Variants in XRCC4 observed in about 807,000 individuals in gnomAD.
XRCC4 encodes the protein DNA repair protein XRCC4.
XRCC4 carries 28 observed loss-of-function variants against 39.1 expected under a neutral mutation model. That is an observed-to-expected ratio of 0.72 (90% CI 0.53 to 0.98). The LOEUF is 0.98. Among genes scored for constraint, XRCC4 ranks in the 50% least tolerant of loss-of-function variants. The pLI, the probability that XRCC4 is intolerant of heterozygous loss-of-function variation, is 0.00. For synonymous variants in XRCC4, 123 were observed against 126.4 expected (o/e 0.97, Z 0.18); for missense variants, 350 against 376.4 (o/e 0.93, Z 0.58).
intron 7 of XRCC4, among the ~76,000 whole-genome samples, chr5:83,295,275 CTAAG>C (rs1177535108): frequency 6.6e-6 from 1 of 151,292 alleles, no homozygotes; most frequent in Non-Finnish European, 1.5e-5. Flanking sequence ...CACTGTCCTC[CTAAG>C]TGTTTCTAAG....
intron 6 of XRCC4, among the ~76,000 whole-genome samples, chr5:83,205,519 A>C (rs1751387228): frequency 1.3e-5 from 2 of 152,124 alleles, no homozygotes. Flanking sequence ...TAGATTTCCT[A>C]GTGACGGTGG....
At chr5:83,086,463 A>G (rs1475306568) in intron 1 of XRCC4, among the ~76,000 whole-genome samples, 3 of 152,240 alleles carry the variant, frequency 2.0e-5, no homozygotes, top group Non-Finnish European at 2.9e-5. Flanking sequence ...TAAGAAAATC[A>G]TAATGAAAGG....
At chr5:83,307,194 A>C (rs916434512) in intron 7 of XRCC4, among the ~76,000 whole-genome samples, 2 of 152,186 alleles carry the variant, frequency 1.3e-5, no homozygotes, top group Non-Finnish European at 2.9e-5. Context: ...TGGGGTTTTT[A>C]ATTTTATTAA....
At chr5:83,242,417 C>T (rs1752949224) in intron 6 of XRCC4, among the ~76,000 whole-genome samples, 1 of 152,046 alleles carries the variant, frequency 6.6e-6, no homozygotes, top group Admixed American at 6.6e-5. Flanking sequence ...ATATTTATCT[C>T]TTGCTCTACT....
intron 1 of XRCC4, among the ~76,000 whole-genome samples, chr5:83,085,097 A>C (rs1745121447): frequency 2.0e-5 from 3 of 152,212 alleles, no homozygotes; most frequent in Admixed American, 2.0e-4. Flanking sequence ...AAGTAAGCAA[A>C]GAGTTCAATC....
At chr5:83,340,500 T>C (rs2112198459) in intron 7 of XRCC4, among the ~76,000 whole-genome samples, 1 of 152,092 alleles carries the variant, frequency 6.6e-6, no homozygotes, top group South Asian at 2.1e-4. Flanking sequence ...AAGAAGAAAG[T>C]CAGAGGAAGA....
chr5:83,226,415 T>C (rs926561063), intron 6 of XRCC4, among the ~76,000 whole-genome samples: 7 of 152,082 alleles, frequency 4.6e-5, no homozygotes, highest in African/African-American at 2.4e-5. Context: ...AAGTCCTTTT[T>C]CTATACTGGC....
intron 1 of XRCC4, among the ~76,000 whole-genome samples, chr5:83,081,796 TAA>T (rs1288785628): frequency 1.3e-5 from 2 of 152,216 alleles, no homozygotes; most frequent in Admixed American, 1.3e-4. Flanking sequence ...AAAAATCCTC[TAA>T]AGAGTTTTCT....
chr5:83,143,334 AT>A (rs1054647332), intron 3 of XRCC4, among the ~76,000 whole-genome samples: 33 of 152,164 alleles, frequency 2.2e-4, no homozygotes, highest in Non-Finnish European at 2.9e-5. Flanking sequence ...TACCTGACCA[AT>A]TTTAAAGGAA....
Position 83,104,969 on chromosome 5 carries a change from C to T in XRCC4, c.50C>T (p.Thr17Ile). Residue 17 changes from threonine to isoleucine, a missense_variant, in exon 2 of 8, where the codon ACT becomes ATT. By Grantham distance (89) the Thr-to-Ile change is moderately conservative (BLOSUM62 -1). Coordinates refer to ENST00000396027, the MANE Select transcript of XRCC4 (RefSeq NM_003401.5). ...RIHLVSEPSI[T>I]HFLQVSWEKT... ...CACCTTGTTTCTGAACCCAGTATAA[C>T]TCATTTTCTACAAGTATCTTGGGAG... The T allele has an allele frequency of 6.2e-7, 1 of 1,613,508 alleles. No individual in the cohort carries two copies. The highest frequency in any genetic ancestry group is 8.5e-7 in the Non-Finnish European group (1 of 1,179,698).
intron 2 of XRCC4, among the ~76,000 whole-genome samples, chr5:83,109,588 G>A (rs1746351999): frequency 6.6e-6 from 1 of 151,852 alleles, no homozygotes; most frequent in Non-Finnish European, 1.5e-5. Context: ...ATTGAATCTT[G>A]TAATTTTAAA....
At chr5:83,078,298 A>G (rs1476762767) in intron 1 of XRCC4, among the ~76,000 whole-genome samples, 6 of 152,226 alleles carry the variant, frequency 3.9e-5, no homozygotes, top group Non-Finnish European at 8.8e-5. Flanking sequence ...GCGCTTTGAC[A>G]TGTTTGAATT....
chr5:83,211,105 T>C (rs1369330826), intron 6 of XRCC4, among the ~76,000 whole-genome samples: 3 of 152,194 alleles, frequency 2.0e-5, no homozygotes. Context: ...AAATAAGTAC[T>C]TCCAAACATG....
intron 3 of XRCC4, among the ~76,000 whole-genome samples, chr5:83,153,952 A>C (rs1057191822): frequency 3.3e-5 from 5 of 152,182 alleles, no homozygotes; most frequent in Non-Finnish European, 7.3e-5. Flanking sequence ...TTATTGGGTG[A>C]AGAAATATAT....
intron 1 of XRCC4, among the ~76,000 whole-genome samples, chr5:83,089,733 T>G (rs1411482944): frequency 6.6e-6 from 1 of 152,182 alleles, no homozygotes. Flanking sequence ...AAAAAAATTA[T>G]TTTTAATCAA....
At chr5:83,284,322 T>G (rs1754663567) in intron 7 of XRCC4, among the ~76,000 whole-genome samples, 1 of 151,974 alleles carries the variant, frequency 6.6e-6, no homozygotes, top group Non-Finnish European at 1.5e-5. Context: ...TGACTAAGAA[T>G]TTTTTTAACC....
At chr5:83,329,948 T>C (rs900868563) in intron 7 of XRCC4, among the ~76,000 whole-genome samples, 1 of 152,112 alleles carries the variant, frequency 6.6e-6, no homozygotes, top group African/African-American at 2.4e-5. Flanking sequence ...TCGATGTTAA[T>C]TTTCTGTTTT....
At chr5:83,144,051 C>T (rs1479939842) in intron 3 of XRCC4, among the ~76,000 whole-genome samples, 1 of 151,890 alleles carries the variant, frequency 6.6e-6, no homozygotes, top group Non-Finnish European at 1.5e-5. Flanking sequence ...ATCCCTCATT[C>T]CCCTCTGCCT....
Position 83,312,711 on chromosome 5 carries a change from G to A in XRCC4, c.894-40420G>A, listed in dbSNP as rs564703361. On this transcript the variant is annotated intron_variant, in intron 7 of 7. Coordinates refer to ENST00000396027, the MANE Select transcript of XRCC4 (RefSeq NM_003401.5). ...GGAGAGGGAAATGCATTTCTGGGTG[G>A]TAGAAGACAGCTTATTGGCAGTATG... Among the ~76,000 whole-genome samples the A allele has an allele frequency of 2.2e-4, 34 of 152,224 alleles. No individual in the cohort carries two copies. The South Asian group carries it at 3.7e-3, about 17-fold the overall frequency.
Sources: allele counts gnomAD v4.1 joint callset (sites outside exome capture counted in the v4.1 genomes callset), GRCh38; gene constraint gnomAD v4.1.1; transcripts MANE v1.5; gene names NCBI Gene and HGNC (gene_info 2026-07-23, HGNC 2026-07-21).